Variants in PON1 observed in about 807,000 individuals in gnomAD.
PON1 encodes paraoxonase 1.
Under a neutral mutation model 39.2 loss-of-function variants are expected in PON1, and 37 were observed. That is an observed-to-expected ratio of 0.94 (90% confidence interval 0.73 to 1.24). The LOEUF (loss-of-function observed/expected upper bound fraction) is 1.24. Among genes scored for constraint, PON1 ranks in the 50% most tolerant of loss-of-function variants. The pLI is 0.00. For missense variants in PON1, 397 were observed against 413.5 expected (o/e 0.96, Z 0.35); for synonymous variants, 148 against 152.2 (o/e 0.97, Z 0.21).
chr7:95,318,243 T>G, intron 2 of PON1, 80 bp downstream of exon 2: 1 of 1,163,420 alleles, frequency 8.6e-7, no homozygotes, highest in Non-Finnish European at 1.3e-6. Context: ...TGGACAGAAT[T>G]GAACAGGCAC....
chr7:95,315,343 T>C lies in PON1; in HGVS notation c.349A>G (p.Ile117Val). The change falls in exon 4 of 9, where the codon ATT (isoleucine) becomes GTT (valine). Residue 117 changes from isoleucine (I) to valine (V), a missense_variant. Transcript: ENST00000222381. ...TTACCTTCATCTGTGAATGTGCTAA[T>C]CCCATGAGGGTTAAATGAAGATACA... ...FDVSSFNPHGISTFTDEDNAM... is the reference protein window; with the variant it reads ...FDVSSFNPHGVSTFTDEDNAM... 1.2e-6 allele frequency: 2 copies of C among 1,613,616 alleles called. No homozygotes were observed. Among genetic ancestry groups the C allele is most frequent in the Non-Finnish European group, 8.5e-7 (1 of 1,179,558 alleles).
intron 4 of PON1, among the ~76,000 whole-genome samples, 156 bp from the exon 5 acceptor site, chr7:95,311,733 G>T (rs1314873631): frequency 6.6e-6 from 1 of 152,120 alleles, no homozygotes; most frequent in Non-Finnish European, 1.5e-5. Context: ...ATTGGTGATT[G>T]CTCCTGTTCC....
chr7:95,299,176 C>A, intron 8 of PON1, 74 bp from the exon 9 acceptor site: 1 of 1,414,620 alleles, frequency 7.1e-7, no homozygotes, highest in Non-Finnish European at 1.0e-6. Flanking sequence ...ATAGGGTCAT[C>A]CTCCATAAGA....
chr7:95,310,690 G>T (rs1256177468), intron 5 of PON1, among the ~76,000 whole-genome samples: 2 of 152,200 alleles, frequency 1.3e-5, no homozygotes, highest in African/African-American at 4.8e-5. Flanking sequence ...CCTGCAAAGA[G>T]TACAAATCTA....
At chr7:95,302,454 A>G in intron 7 of PON1, 121 bp from the exon 8 acceptor site, 1 of 816,048 alleles carries the variant, frequency 1.2e-6, no homozygotes, top group Non-Finnish European at 2.0e-6. Flanking sequence ...GCTTCCAAGG[A>G]TACAATTCTG....
intron 1 of PON1, among the ~76,000 whole-genome samples, chr7:95,321,977 C>G (rs1170802314): frequency 6.6e-6 from 1 of 152,040 alleles, no homozygotes; most frequent in Non-Finnish European, 1.5e-5. Context: ...AATACTGCAA[C>G]CTATTCATTC....
At chr7:95,299,811 C>CATAT (rs3917573) in intron 8 of PON1, among the ~76,000 whole-genome samples, 4 of 151,806 alleles carry the variant, frequency 2.6e-5, no homozygotes, top group East Asian at 1.9e-4. Flanking sequence ...ACCCCCTTTA[C>CATAT]ATATATATAT....
At chr7:95,317,573 C>CAAAAAAAAAAAAAAAAAAAAAAA (rs869140411) in intron 2 of PON1, among the ~76,000 whole-genome samples, 2 of 46,842 alleles carry the variant, frequency 4.3e-5, no homozygotes, top group Non-Finnish European at 9.6e-5. Flanking sequence ...TCTAAAAGAA[C>CAAAAAAAAAAAAAAAAAAAAAAA]AAAAAAAAAA....
At chr7:95,319,701 A>T (rs867292543) in intron 1 of PON1, among the ~76,000 whole-genome samples, 8 of 152,346 alleles carry the variant, frequency 5.3e-5, no homozygotes, top group Middle Eastern at 3.4e-3. Flanking sequence ...TCAAAATGAA[A>T]ATCTGACATT....
chr7:95,304,425 C>T (rs1807498745), intron 7 of PON1, among the ~76,000 whole-genome samples: 1 of 151,206 alleles, frequency 6.6e-6, no homozygotes, highest in South Asian at 2.1e-4. Context: ...CTCCGCCTCC[C>T]AGGTTCAAGT....
intron 1 of PON1, among the ~76,000 whole-genome samples, chr7:95,322,098 GT>G (rs1807910373): frequency 6.6e-6 from 1 of 152,132 alleles, no homozygotes; most frequent in Non-Finnish European, 1.5e-5. Flanking sequence ...AGAAGATGGT[GT>G]TGGTTGCATT....
Position 95,298,635 on chromosome 7 carries a change from A to C in PON1, c.*309T>G. 3.4e-5 allele frequency: 14 copies of C among 409,272 alleles called. No individual in the cohort carries two copies. The highest frequency in any genetic ancestry group is 1.1e-4 in the East Asian group (2 of 17,780). The allele number at this position is 409,272 out of a possible 1,614,324, so 25.4% of individuals were successfully genotyped here. On this transcript the variant is annotated 3_prime_UTR_variant, in exon 9 of 9. Transcript: ENST00000222381. ...TTCCAGGCAACACATGTTTTAGGGTAAGTACTTTTGGGGTCACACACTGTT... is the reference window on the plus strand; with the variant it reads ...TTCCAGGCAACACATGTTTTAGGGTCAGTACTTTTGGGGTCACACACTGTT...
intron 2 of PON1, among the ~76,000 whole-genome samples, chr7:95,317,594 G>GAAAAAAAAAAAAA (rs1357541602): frequency 1.3e-5 from 1 of 75,184 alleles, no homozygotes; most frequent in Non-Finnish European, 2.9e-5. Context: ...AAAAAAAAAA[G>GAAAAAAAAAAAAA]AAAGAAAAAG....
intron 2 of PON1, among the ~76,000 whole-genome samples, chr7:95,317,443 T>C (rs919366561): frequency 6.6e-6 from 1 of 152,018 alleles, no homozygotes; most frequent in Non-Finnish European, 1.5e-5. Context: ...CCCAGTGATA[T>C]TTGATATCAA....
At chr7:95,321,603 C>A (rs1807900138) in intron 1 of PON1, among the ~76,000 whole-genome samples, 1 of 152,118 alleles carries the variant, frequency 6.6e-6, no homozygotes, top group Non-Finnish European at 1.5e-5. Flanking sequence ...GAAATGGAGG[C>A]ACTGAGAGGC....
Position 95,324,388 on chromosome 7 carries a change from A to G in PON1, c.74+14T>C. On this transcript the variant is annotated intron_variant, in intron 1 of 8. Coordinates refer to ENST00000222381, the MANE Select transcript of PON1 (RefSeq NM_000446.7). ...GAGGACGAAGGCTGCAGCCCTCACC[A>G]CAACCCAACTTACTGGTAAGAAGAC... 2 of 1,613,878 alleles carry G rather than the reference A, an allele frequency of 1.2e-6. No homozygotes were observed. The highest frequency in any genetic ancestry group is 1.7e-6 in the Non-Finnish European group (2 of 1,179,762).
At chr7:95,316,938 T>G in intron 2 of PON1, 149 bp from the exon 3 acceptor site, 1 of 695,724 alleles carries the variant, frequency 1.4e-6, no homozygotes, top group Admixed American at 2.3e-5. Context: ...TTTATTCAAA[T>G]TGATGAATGC....
chr7:95,313,411 C>T (rs1807696427), intron 4 of PON1, among the ~76,000 whole-genome samples: 1 of 152,094 alleles, frequency 6.6e-6, no homozygotes, highest in Non-Finnish European at 1.5e-5. Flanking sequence ...TGCAAATGTG[C>T]TATATATAAA....
chr7:95,311,368 A>G, intron 5 of PON1, 83 bp downstream of exon 5: 1 of 1,519,050 alleles, frequency 6.6e-7, no homozygotes, highest in Non-Finnish European at 9.1e-7. Flanking sequence ...AGCCATACCT[A>G]CTCTGGCCAA....
Sources: gnomAD v4.1 joint callset for allele counts (sites outside exome capture counted in the v4.1 genomes callset) on GRCh38, gnomAD v4.1.1 for gene constraint, MANE v1.5 for transcripts, NCBI Gene and HGNC (gene_info 2026-07-23, HGNC 2026-07-21) for gene names.